The following AMZ2 variants were observed in gnomAD, a reference collection of about 807,000 sequenced individuals.
The protein encoded by AMZ2 is archaemetzincin-2.
AMZ2 carries 26 observed loss-of-function variants against 36.7 expected under a neutral mutation model. The ratio of observed to expected loss-of-function variants is 0.71; its 90% CI spans 0.52 to 0.98. The LOEUF (loss-of-function observed/expected upper bound fraction) is 0.98. Ranked by LOEUF, AMZ2 falls within the 50% of genes least tolerant of loss-of-function variation. The pLI is 0.00. For missense variants in AMZ2, 394 were observed against 430.5 expected (o/e 0.92, Z 0.75); for synonymous variants, 144 against 149.1 (o/e 0.97, Z 0.25).
intron 4 of AMZ2, among the ~76,000 whole-genome samples, chr17:68,251,880 A>G (rs2074507580): frequency 6.6e-6 from 1 of 152,192 alleles, no homozygotes; most frequent in Non-Finnish European, 1.5e-5. Flanking sequence ...CTTTCTCATC[A>G]TACGACATTT....
chr17:68,211,925 T>C (rs1215221291), intron 1 of AMZ2, among the ~76,000 whole-genome samples: 1 of 151,184 alleles, frequency 6.6e-6, no homozygotes, highest in Non-Finnish European at 1.5e-5. Context: ...CCTTTGTCCT[T>C]TTAAGTTATA....
intron 1 of AMZ2, among the ~76,000 whole-genome samples, chr17:68,242,262 T>A (rs1230476500): frequency 6.6e-6 from 1 of 152,210 alleles, no homozygotes; most frequent in Non-Finnish European, 1.5e-5. Flanking sequence ...GGGTCATTTG[T>A]ATATTTAGGA....
intron 1 of AMZ2, among the ~76,000 whole-genome samples, chr17:68,211,025 T>G (rs782173120): frequency 6.6e-6 from 1 of 151,890 alleles, no homozygotes; most frequent in African/African-American, 2.4e-5. Flanking sequence ...TTTCAAAAAT[T>G]ATTTGAAAGA....
chr17:68,250,418 T>C lies in AMZ2; in HGVS notation c.231T>C (p.Pro77=). The C allele has an allele frequency of 6.2e-7, 1 of 1,614,176 alleles. No individual in the cohort carries two copies. The highest frequency in any genetic ancestry group is 8.5e-7 in the Non-Finnish European group (1 of 1,180,050). ...ACTTTGAACAGTTCTTCAGTGATCCTTACAGAAAGACACCCTCTCCAAACA... is the reference window on the plus strand; with the variant it reads ...ACTTTGAACAGTTCTTCAGTGATCCCTACAGAAAGACACCCTCTCCAAACA... The part of the protein sequence containing the change: ...PQDFEQFFSD[P]YRKTPSPNKR... Residue 77 remains proline, a synonymous_variant, in exon 2 of 7, where the codon CCT becomes CCC. Coordinates refer to ENST00000359904, the MANE Select transcript of AMZ2 (RefSeq NM_016627.5).
intron 1 of AMZ2, among the ~76,000 whole-genome samples, chr17:68,237,630 T>C (rs2073817667): frequency 6.6e-6 from 1 of 152,168 alleles, no homozygotes; most frequent in Admixed American, 6.5e-5. Context: ...TGTTAATGGC[T>C]CACGGTCCTA....
At chr17:68,217,511 CAT>C (rs2073229500) in intron 1 of AMZ2, among the ~76,000 whole-genome samples, 1 of 152,114 alleles carries the variant, frequency 6.6e-6, no homozygotes, top group African/African-American at 2.4e-5. Context: ...AAACTTTAAA[CAT>C]AGTGATAATT....
At chr17:68,255,653 C>T (rs1477475420) in intron 5 of AMZ2, 47 bp from the exon 6 acceptor site, 3 of 1,577,900 alleles carry the variant, frequency 1.9e-6, no homozygotes, top group East Asian at 2.2e-5. Flanking sequence ...GACGTGTAGC[C>T]TAATGTGATG....
At chr17:68,229,333 A>T (rs2073602696) in intron 1 of AMZ2, among the ~76,000 whole-genome samples, 1 of 151,698 alleles carries the variant, frequency 6.6e-6, no homozygotes, top group South Asian at 2.1e-4. Flanking sequence ...GCCTGTCCCC[A>T]CACCCACCCA....
In AMZ2 at chr17:68,240,419, G is replaced by A. The variant is rs6501322; in HGVS notation, c.-66-8221G>A. ...GAAAAAGCAGAATAGTTGAAAGTAA[G>A]TATTCAAAAGAAAAGATAGAAAATA... On this transcript the variant is annotated intron_variant, in intron 1 of 7. Transcript: ENST00000674770. Among the ~76,000 whole-genome samples the A allele has an allele frequency of 1.3e-3, 191 of 152,272 alleles. 1 individual carries two copies. Among genetic ancestry groups the A allele is most frequent in the African/African-American group, 4.4e-3 (182 of 41,550 alleles).
At chr17:68,234,626 T>C (rs2073744111) in intron 1 of AMZ2, among the ~76,000 whole-genome samples, 1 of 151,554 alleles carries the variant, frequency 6.6e-6, no homozygotes, top group Non-Finnish European at 1.5e-5. Context: ...AAAAATTAGC[T>C]GGGCATGGTG....
At chr17:68,207,381 G>A (rs1350799105) in intron 1 of AMZ2, 1 of 141,042 alleles carries the variant, frequency 7.1e-6, no homozygotes, top group Non-Finnish European at 1.5e-5. Context: ...TGAAATTAAC[G>A]TAACCGAAGC....
intron 1 of AMZ2, among the ~76,000 whole-genome samples, chr17:68,237,645 A>T (rs1328908256): frequency 1.3e-5 from 2 of 152,180 alleles, no homozygotes; most frequent in African/African-American, 4.8e-5. Context: ...GTCCTAGGGT[A>T]ACCCCCTCGG....
intron 1 of AMZ2, among the ~76,000 whole-genome samples, chr17:68,227,119 A>G (rs1186277080): frequency 6.6e-6 from 1 of 152,072 alleles, no homozygotes; most frequent in African/African-American, 2.4e-5. Context: ...ATCTATGTTC[A>G]TAGCTGGGGA....
At chr17:68,229,320 G>A (rs781789959) in intron 1 of AMZ2, among the ~76,000 whole-genome samples, 6 of 152,038 alleles carry the variant, frequency 3.9e-5, no homozygotes, top group Non-Finnish European at 8.8e-5. Flanking sequence ...CCTCAGCCCG[G>A]GTGCCTGTCC....
upstream of AMZ2, chr17:68,247,719 G>A (rs1555736275): frequency 1.0e-6 from 1 of 985,394 alleles, no homozygotes; most frequent in Non-Finnish European, 1.2e-6. Flanking sequence ...GGCCTGCCGA[G>A]GACGTTCCCA....
chr17:68,238,765 T>C (rs1415040320), intron 1 of AMZ2, among the ~76,000 whole-genome samples: 1 of 152,176 alleles, frequency 6.6e-6, no homozygotes, highest in East Asian at 1.9e-4. Flanking sequence ...CTTCAGTAAA[T>C]AGAGATGAAG....
chr17:68,252,004 C>T (rs1555740069), intron 4 of AMZ2, among the ~76,000 whole-genome samples: 2 of 151,842 alleles, frequency 1.3e-5, no homozygotes, highest in African/African-American at 4.8e-5. Context: ...TTCTGCAAAC[C>T]GGTCATATTT....
At chr17:68,229,304 C>T (rs1316169691) in intron 1 of AMZ2, among the ~76,000 whole-genome samples, 2 of 152,064 alleles carry the variant, frequency 1.3e-5, no homozygotes, top group Admixed American at 6.5e-5. Context: ...CAGACACAGG[C>T]GAGCCCCTCA....
intron 1 of AMZ2, among the ~76,000 whole-genome samples, chr17:68,209,632 A>ATTTTTTTTTTTTTTTT (rs1224207690): frequency 9.9e-5 from 9 of 90,680 alleles, no homozygotes; most frequent in African/African-American, 4.5e-4. Context: ...ATATATATAT[A>ATTTTTTTTTTTTTTTT]TTTTTTTTTT....
Sources: allele counts gnomAD v4.1 joint callset (sites outside exome capture counted in the v4.1 genomes callset), GRCh38; gene constraint gnomAD v4.1.1; transcripts MANE v1.5; gene names NCBI Gene and HGNC (gene_info 2026-07-23, HGNC 2026-07-21).